The following DCHS2 variants were observed in gnomAD, a reference collection of about 807,000 sequenced individuals.
The protein encoded by DCHS2 is protocadherin-23.
A neutral mutation model predicts 182.4 loss-of-function variants in DCHS2; 142 were observed. That is an observed-to-expected ratio of 0.78 (90% CI 0.68 to 0.89). The LOEUF is 0.89. Ranked by LOEUF, DCHS2 falls within the 40% of genes least tolerant of loss-of-function variation. The pLI, the probability that DCHS2 is intolerant of heterozygous loss-of-function variation, is 0.00. For synonymous variants in DCHS2, 1,740 were observed against 1,663.3 expected (o/e 1.05, Z -1.12); for missense variants, 4,319 against 4,198.6 (o/e 1.03, Z -0.79).
At chr4:154,414,162 T>C (rs1049725449) in intron 1 of DCHS2, among the ~76,000 whole-genome samples, 2 of 149,148 alleles carry the variant, frequency 1.3e-5, no homozygotes, top group South Asian at 2.1e-4. Flanking sequence ...CTTGAAGAAA[T>C]AAATCAAATA....
chr4:154,438,649 G>C (rs964478611), intron 1 of DCHS2, among the ~76,000 whole-genome samples: 1 of 152,064 alleles, frequency 6.6e-6, no homozygotes, highest in Non-Finnish European at 1.5e-5. Flanking sequence ...ATTTATTCAG[G>C]TCTTCTTTTA....
intron 1 of DCHS2, among the ~76,000 whole-genome samples, chr4:154,431,797 A>G (rs1241846068): frequency 1.3e-5 from 2 of 152,164 alleles, no homozygotes; most frequent in African/African-American, 4.8e-5. Flanking sequence ...TTCTTTACAT[A>G]CAGAAGCTGA....
intron 1 of DCHS2, among the ~76,000 whole-genome samples, chr4:154,431,723 A>G (rs911638475): frequency 5.3e-5 from 8 of 152,192 alleles, no homozygotes; most frequent in African/African-American, 1.9e-4. Context: ...CAAAGCCCAC[A>G]GATGGCCTGA....
rs144996735 is a variant in DCHS2, at chr4:154,445,093, C to G, written c.2052+44211G>C. ...AATGGCTGTCACTCCGTCTCCTCAC[C>G]CTGCTTTAATTCTACTCATACATTT... is the stretch of plus-strand genomic sequence containing the variant. On this transcript the variant is annotated intron_variant, in intron 1 of 19. Transcript: ENST00000357232. 2.8e-3 allele frequency among the ~76,000 whole-genome samples: 432 copies of G among 152,258 alleles called. 1 individual carries two copies. Among genetic ancestry groups the G allele is most frequent in the African/African-American group, 9.6e-3 (397 of 41,560 alleles).
intron 13 of DCHS2, among the ~76,000 whole-genome samples, chr4:154,293,823 C>A (rs751570806): frequency 6.6e-6 from 1 of 152,210 alleles, no homozygotes; most frequent in African/African-American, 2.4e-5. Flanking sequence ...AGGCTCTGTG[C>A]ACGCTGCTCT....
At chr4:154,302,959 ACACACACACC>A (rs750711618) in intron 12 of DCHS2, among the ~76,000 whole-genome samples, 4,559 of 71,748 alleles carry the variant, frequency 0.064, 134 homozygotes, top group African/African-American at 0.14. Context: ...ACACACACAC[ACACACACACC>A]CACACACACA....
chr4:154,257,479 C>T (rs576166442), intron 15 of DCHS2, among the ~76,000 whole-genome samples: 4 of 152,178 alleles, frequency 2.6e-5, no homozygotes, highest in South Asian at 4.2e-4. Context: ...GTCCCTTCAC[C>T]GAAGATTCAA....
At chr4:154,319,730 G>A (rs1035086410) in intron 9 of DCHS2, among the ~76,000 whole-genome samples, 20 of 150,324 alleles carry the variant, frequency 1.3e-4, no homozygotes, top group Non-Finnish European at 1.5e-5. Flanking sequence ...CTTGTATACT[G>A]TTGGTGGGAA....
chr4:154,279,742 A>G (rs1734038661), intron 13 of DCHS2, among the ~76,000 whole-genome samples: 1 of 152,048 alleles, frequency 6.6e-6, no homozygotes, highest in Non-Finnish European at 1.5e-5. Flanking sequence ...ACTAAGAGGA[A>G]AGTTAATAGT....
rs149005474 is a variant in DCHS2 at position 154,377,384 on chromosome 4, C to T, written c.2113G>A (p.Gly705Arg). 3.0e-4 allele frequency: 486 copies of T among 1,613,526 alleles called. 1 individual carries two copies. The highest frequency in any genetic ancestry group is 3.7e-4 in the Non-Finnish European group (440 of 1,179,680). Residue 705 changes from glycine (G) to arginine (R), a missense_variant, in exon 2 of 20, where the codon GGA becomes AGA. By Grantham distance (125) the Gly-to-Arg change is moderately radical. Coordinates refer to ENST00000357232, the MANE Select transcript of DCHS2 (RefSeq NM_001358235.2). ...YGFIEYSLYDGFLSYEAPQAF... is the reference protein window; with the variant it reads ...YGFIEYSLYDRFLSYEAPQAF... ...TGAGGTGCTTCATAGCTCAGGAATC[C>T]ATCATAAAGAGAATATTCAATAAAG...
At position 154,237,172 on chromosome 4, in the gene DCHS2, A is replaced by G. The variant is rs1326121616; in HGVS notation, c.7493-13T>C. The G allele has an allele frequency of 6.3e-6, 10 of 1,595,114 alleles. No homozygotes were observed. Among genetic ancestry groups the G allele is most frequent in the Non-Finnish European group, 8.5e-6 (10 of 1,173,280 alleles). On this transcript the variant is annotated splice_polypyrimidine_tract_variant and intron_variant, in intron 19 of 19. Transcript: ENST00000357232. ...GTAAATATTGTGCCTGAAAAATAAG[A>G]CATAGTATTTCAACACTGTGAGGTG...
chr4:154,273,493 T>C (rs1733692844), intron 13 of DCHS2, among the ~76,000 whole-genome samples: 1 of 152,024 alleles, frequency 6.6e-6, no homozygotes, highest in South Asian at 2.1e-4. Flanking sequence ...GACTATACAA[T>C]AGATACTATA....
chr4:154,490,557 C>G lies in DCHS2; in HGVS notation c.799G>C (p.Glu267Gln), dbSNP rs906349505. ...EEAAAHRLQI[E>Q]AWDGGRPRRT... The stretch of plus-strand genomic sequence containing the variant: ...CGGGGTCGGCCGCCGTCCCATGCCT[C>G]GATCTGCAGCCGGTGCGCCGCCGCC... The change falls in exon 1 of 20, where the codon GAG becomes CAG. Residue 267 changes from glutamate (E) to glutamine (Q), a missense_variant. Coordinates refer to ENST00000357232, the MANE Select transcript of DCHS2 (RefSeq NM_001358235.2). 1.3e-6 allele frequency: 2 copies of G among 1,541,576 alleles called. No homozygotes were observed. Among genetic ancestry groups the G allele is most frequent in the South Asian group, 2.4e-5 (2 of 83,954 alleles).
At chr4:154,330,357 G>T (rs555461465) in intron 5 of DCHS2, among the ~76,000 whole-genome samples, 1 of 133,324 alleles carries the variant, frequency 7.5e-6, no homozygotes, top group Non-Finnish European at 1.7e-5. Flanking sequence ...AGTGGATAGT[G>T]ACTTCCTATA....
At chr4:154,297,627 C>G (rs1734985059) in intron 13 of DCHS2, among the ~76,000 whole-genome samples, 1 of 152,088 alleles carries the variant, frequency 6.6e-6, no homozygotes, top group Non-Finnish European at 1.5e-5. Context: ...ATGGGAGGGC[C>G]CTCCTTTAGA....
intron 3 of DCHS2, among the ~76,000 whole-genome samples, chr4:154,361,943 A>C (rs78501864): frequency 7.9e-4 from 120 of 152,326 alleles, no homozygotes; most frequent in African/African-American, 2.7e-3. Flanking sequence ...GAAAGCATCA[A>C]AATGAAAGAA....
chr4:154,272,341 A>G (rs1207006053), intron 13 of DCHS2: 1 of 152,156 alleles, frequency 6.6e-6, no homozygotes, highest in Non-Finnish European at 1.5e-5. Context: ...CCAAAGTAGT[A>G]TCATTTTACA....
rs1179858827 is a variant in DCHS2, at chr4:154,304,837, T to A, written c.5437A>T (p.Thr1813Ser). 2.5e-6 allele frequency: 4 copies of A among 1,613,560 alleles called. No individual in the cohort carries two copies. The highest frequency in any genetic ancestry group is 3.4e-6 in the Non-Finnish European group (4 of 1,179,812). Residue 1813 changes from threonine (T) to serine (S), a missense_variant, in exon 12 of 20, where the codon ACA (threonine) becomes TCA (serine). Physicochemically the swap from Thr to Ser is moderately conservative, Grantham distance 58. Coordinates refer to ENST00000357232, the MANE Select transcript of DCHS2 (RefSeq NM_001358235.2). ...TCTTCAACAGTGCAGAGGATTGTTG[T>A]GGTGCTGGACAATGAAGGGAATCCC... The part of the protein sequence containing the change: ...DGGFPSLSST[T>S]TILCTVEDEN...
At chr4:154,420,664 A>G (rs984311019) in intron 1 of DCHS2, among the ~76,000 whole-genome samples, 4 of 152,126 alleles carry the variant, frequency 2.6e-5, no homozygotes, top group African/African-American at 7.2e-5. Flanking sequence ...TGGGCCCTCA[A>G]CTGATGGGAT....
Sources: gnomAD v4.1 joint callset for allele counts (sites outside exome capture counted in the v4.1 genomes callset) on GRCh38, gnomAD v4.1.1 for gene constraint, MANE v1.5 for transcripts, NCBI Gene and HGNC (gene_info 2026-07-23, HGNC 2026-07-21) for gene names.